The following REC114 variants were observed in gnomAD, a reference collection of about 807,000 sequenced individuals.
REC114 encodes the protein REC114 meiotic recombination protein, also known as meiotic recombination protein REC114.
Under a neutral mutation model 31.3 loss-of-function variants are expected in REC114, and 27 were observed. The observed-to-expected ratio is 0.86, with a 90% CI of 0.64 to 1.19. The LOEUF (loss-of-function observed/expected upper bound fraction) is 1.19. REC114 is among the 50% of genes most tolerant of loss of function. The pLI is 0.00. For missense variants in REC114, 344 were observed against 326.9 expected, an observed-to-expected ratio of 1.05 and a Z score of -0.40; for synonymous variants, 134 against 127.7, an observed-to-expected ratio of 1.05 and a Z score of -0.33.
chr15:73,496,425 A>G (rs1595869995), intron 2 of REC114, among the ~76,000 whole-genome samples: 4 of 151,486 alleles, frequency 2.6e-5, no homozygotes, highest in African/African-American at 4.9e-5. Flanking sequence ...TTGGGAGGCC[A>G]AGGCGGGCAT....
chr15:73,472,458 T>C (rs1357201775), intron 1 of REC114, among the ~76,000 whole-genome samples: 1 of 152,222 alleles, frequency 6.6e-6, no homozygotes, highest in Non-Finnish European at 1.5e-5. Flanking sequence ...GATTTAAATA[T>C]AGCATTAAAA....
chr15:73,526,671 C>CT (rs1424147983), intron 2 of REC114, among the ~76,000 whole-genome samples: 1 of 152,128 alleles, frequency 6.6e-6, no homozygotes, highest in South Asian at 2.1e-4. Flanking sequence ...ATACCCTTTT[C>CT]TGCTAATTTT....
intron 1 of REC114, among the ~76,000 whole-genome samples, chr15:73,462,666 A>G (rs112838897): frequency 0.027 from 4,085 of 152,206 alleles, 50 homozygotes; most frequent in African/African-American, 0.043. Flanking sequence ...CAGGCGGATC[A>G]TGAGGTCAGG....
intron 1 of REC114, among the ~76,000 whole-genome samples, chr15:73,469,632 G>A (rs947313817): frequency 3.4e-5 from 5 of 147,408 alleles, no homozygotes; most frequent in Non-Finnish European, 7.4e-5. Flanking sequence ...GTCTTGCCAT[G>A]TTGCCCAGGC....
At chr15:73,491,202 ATTATC>A (rs1893436999) in intron 2 of REC114, among the ~76,000 whole-genome samples, 1 of 151,468 alleles carries the variant, frequency 6.6e-6, no homozygotes, top group African/African-American at 2.4e-5. Flanking sequence ...GTATTTGTGT[ATTATC>A]TTAATTTTGT....
intron 2 of REC114, among the ~76,000 whole-genome samples, chr15:73,482,887 A>G (rs576983197): frequency 2.0e-5 from 3 of 149,060 alleles, no homozygotes; most frequent in South Asian, 2.1e-4. Flanking sequence ...TGGTAATTCT[A>G]TTTTTGATTT....
At chr15:73,449,640 A>G (rs1438094806) in intron 1 of REC114, among the ~76,000 whole-genome samples, 1 of 152,216 alleles carries the variant, frequency 6.6e-6, no homozygotes, top group African/African-American at 2.4e-5. Context: ...CAGGAAATAC[A>G]GAGAACACCA....
chr15:73,552,453 G>A lies in REC114; in HGVS notation c.546+1303G>A, dbSNP rs551627457. 1.5e-3 allele frequency among the ~76,000 whole-genome samples: 221 copies of A among 152,314 alleles called. 1 individual carries two copies. Among genetic ancestry groups the A allele is most frequent in the Non-Finnish European group, 2.6e-3 (178 of 68,024 alleles). ...TCCATAAAATGTTTTCAACATTAAC[G>A]TAAAGTGGGTTTATTATTTTTAATG... On this transcript the variant is annotated intron_variant, in intron 4 of 5. Transcript: ENST00000331090.
intron 2 of REC114, among the ~76,000 whole-genome samples, chr15:73,504,096 T>G (rs1893640892): frequency 7.1e-6 from 1 of 141,186 alleles, no homozygotes; most frequent in African/African-American, 2.6e-5. Context: ...AACCTCTGCC[T>G]CTCAGGTTCA....
At chr15:73,554,363 G>GT (rs1894433087) in intron 4 of REC114, among the ~76,000 whole-genome samples, 1 of 152,166 alleles carries the variant, frequency 6.6e-6, no homozygotes, top group South Asian at 2.1e-4. Flanking sequence ...CATGGCCAAG[G>GT]TTCTGGTCAT....
At chr15:73,527,177 A>G (rs1894019988) in intron 2 of REC114, among the ~76,000 whole-genome samples, 1 of 152,192 alleles carries the variant, frequency 6.6e-6, no homozygotes, top group African/African-American at 2.4e-5. Flanking sequence ...AGCTAGTTGT[A>G]ACTTAAACAT....
At chr15:73,451,676 A>C (rs912166898) in intron 1 of REC114, among the ~76,000 whole-genome samples, 3 of 151,764 alleles carry the variant, frequency 2.0e-5, no homozygotes, top group Non-Finnish European at 4.4e-5. Context: ...GAGACACAAC[A>C]AAAAAAACGA....
intron 2 of REC114, among the ~76,000 whole-genome samples, chr15:73,536,995 AATAG>A (rs1269523044): frequency 2.0e-5 from 3 of 152,238 alleles, no homozygotes; most frequent in Non-Finnish European, 4.4e-5. Flanking sequence ...CATAGTACCC[AATAG>A]ATAGTCTTTT....
intron 2 of REC114, among the ~76,000 whole-genome samples, chr15:73,490,778 A>G (rs1893430959): frequency 1.3e-5 from 2 of 152,152 alleles, no homozygotes; most frequent in Admixed American, 1.3e-4. Flanking sequence ...AAACCATCAC[A>G]ATCATGATAT....
At chr15:73,449,672 G>C (rs1326038219) in intron 1 of REC114, among the ~76,000 whole-genome samples, 1 of 152,080 alleles carries the variant, frequency 6.6e-6, no homozygotes, top group Non-Finnish European at 1.5e-5. Context: ...CTCGAGAAGG[G>C]CAACCCTAAG....
rs1317496683 is a variant in REC114 at position 73,540,567 on chromosome 15, A to G, written c.332A>G (p.Lys111Arg). ...VDCLLFGTTI[K>R]DKSRLFRVQF... ...TGTCTGTTGTTTGGAACAACGATAA[A>G]GGCAAGATTTAAGCTAATGATCACA... Residue 111 changes from lysine (K) to arginine (R), a missense_variant and splice_region_variant, in exon 3 of 6, where the codon AAG (lysine) becomes AGG (arginine). Coordinates refer to ENST00000331090, the MANE Select transcript of REC114 (RefSeq NM_001042367.2). The G allele has an allele frequency of 6.2e-7, 1 of 1,611,450 alleles. No individual in the cohort carries two copies. Among genetic ancestry groups the G allele is most frequent in the African/African-American group, 1.3e-5 (1 of 74,988 alleles).
chr15:73,482,812 T>A (rs1567863937), intron 2 of REC114, among the ~76,000 whole-genome samples: 2 of 152,206 alleles, frequency 1.3e-5, no homozygotes, highest in Non-Finnish European at 2.9e-5. Flanking sequence ...TTTACAAATA[T>A]CCCTTTGAAA....
At chr15:73,541,928 G>C (rs564558950) in intron 3 of REC114, among the ~76,000 whole-genome samples, 23 of 152,160 alleles carry the variant, frequency 1.5e-4, no homozygotes, top group South Asian at 1.0e-3. Context: ...ATATTCTGAA[G>C]GTTTTACTAA....
intron 3 of REC114, among the ~76,000 whole-genome samples, chr15:73,543,184 C>G (rs1352126385): frequency 6.6e-6 from 1 of 152,088 alleles, no homozygotes; most frequent in Non-Finnish European, 1.5e-5. Context: ...CTGTTAATCA[C>G]CTGCTTCTTT....
Sources: gnomAD v4.1 joint callset for allele counts (sites outside exome capture counted in the v4.1 genomes callset) on GRCh38, gnomAD v4.1.1 for gene constraint, MANE v1.5 for transcripts, NCBI Gene and HGNC (gene_info 2026-07-23, HGNC 2026-07-21) for gene names.